The following KLRG1 variants were observed in gnomAD, a reference collection of about 807,000 sequenced individuals.
KLRG1 encodes killer cell lectin-like receptor subfamily G member 1.
Under a neutral mutation model 21.8 loss-of-function variants are expected in KLRG1, and 16 were observed. The observed-to-expected ratio is 0.73, with a 90% CI of 0.50 to 1.11. The LOEUF (loss-of-function observed/expected upper bound fraction) is 1.11. Ranked by LOEUF, KLRG1 falls within the 50% of genes most tolerant of loss-of-function variation. The probability of loss-of-function intolerance (pLI) is 0.00; values close to 1 mark genes in which losing one functional copy is unlikely to be tolerated. For missense variants in KLRG1, 173 were observed against 218.3 expected (o/e 0.79, Z 1.31); for synonymous variants, 69 against 75.9 (o/e 0.91, Z 0.47).
At chr12:9,070,889 C>T in the KLRG1 span, among the ~76,000 whole-genome samples, 3 of 149,950 alleles carry the variant, frequency 2.0e-5, no homozygotes, top group Non-Finnish European at 3.0e-5. Context: ...GGCATGATTT[C>T]GGCTCACCGC....
the KLRG1 span, among the ~76,000 whole-genome samples, chr12:9,029,497 C>A: frequency 6.6e-6 from 1 of 151,956 alleles, no homozygotes; most frequent in African/African-American, 2.4e-5. Context: ...ATCCACGGCC[C>A]CTGGCCTGAA....
the KLRG1 span, among the ~76,000 whole-genome samples, chr12:9,019,837 TCGTGTCCCAAAGTG>T: frequency 2.6e-5 from 4 of 152,048 alleles, no homozygotes; most frequent in Non-Finnish European, 4.4e-5. Flanking sequence ...CCTCTTGCCT[TCGTGTCCCAAAGTG>T]CTGGGATTAT....
the KLRG1 span, among the ~76,000 whole-genome samples, chr12:9,039,099 G>A: frequency 6.6e-6 from 1 of 152,184 alleles, no homozygotes; most frequent in Non-Finnish European, 1.5e-5. Context: ...TTTCCTGATT[G>A]CAATATATGA....
At chr12:8,968,059 C>T (rs1946507517) in intron 1 of KLRG1, among the ~76,000 whole-genome samples, 1 of 151,976 alleles carries the variant, frequency 6.6e-6, no homozygotes, top group Non-Finnish European at 1.5e-5. Flanking sequence ...TCATGAAAGA[C>T]ATTCGGTTTA....
the KLRG1 span, chr12:9,192,630 A>G: frequency 1.2e-6 from 2 of 1,614,122 alleles, no homozygotes; most frequent in East Asian, 2.2e-5. Flanking sequence ...CTCCAGGTGA[A>G]TGTAACTTCC....
the KLRG1 span, among the ~76,000 whole-genome samples, chr12:9,022,479 C>G: frequency 1.3e-5 from 2 of 152,178 alleles, no homozygotes; most frequent in South Asian, 4.1e-4. Context: ...CCTCCCATTT[C>G]CTGACATATA....
At chr12:9,184,162 A>G in the KLRG1 span, among the ~76,000 whole-genome samples, 1 of 152,174 alleles carries the variant, frequency 6.6e-6, no homozygotes, top group Non-Finnish European at 1.5e-5. Context: ...CTGCCTTGCC[A>G]CTGCTGGCAG....
chr12:9,138,951 GT>G, the KLRG1 span, among the ~76,000 whole-genome samples: 58 of 149,084 alleles, frequency 3.9e-4, no homozygotes, highest in Non-Finnish European at 8.1e-4. Flanking sequence ...TCTAATTTTT[GT>G]TATTTCTTTC....
chr12:9,150,899 C>G, the KLRG1 span, among the ~76,000 whole-genome samples: 2 of 152,164 alleles, frequency 1.3e-5, no homozygotes, highest in Non-Finnish European at 2.9e-5. Context: ...TAGAATGCAT[C>G]CTTGGGAACT....
At chr12:9,166,674 C>T in the KLRG1 span, among the ~76,000 whole-genome samples, 1 of 152,170 alleles carries the variant, frequency 6.6e-6, no homozygotes, top group African/African-American at 2.4e-5. Flanking sequence ...CTTTAAATCA[C>T]TGTATGGAAC....
At chr12:9,050,569 G>C in the KLRG1 span, among the ~76,000 whole-genome samples, 1 of 152,172 alleles carries the variant, frequency 6.6e-6, no homozygotes, top group Admixed American at 6.5e-5. Context: ...GTCCTCCTGG[G>C]TGGGGCTACA....
downstream of KLRG1, among the ~76,000 whole-genome samples, chr12:9,011,588 A>G (rs1461740968): frequency 2.0e-5 from 3 of 152,120 alleles, no homozygotes; most frequent in Admixed American, 2.0e-4. Flanking sequence ...AGAAGCCTCC[A>G]CTGATTTTTC....
At chr12:9,080,298 C>T in the KLRG1 span, 58 of 539,810 alleles carry the variant, frequency 1.1e-4, no homozygotes, top group East Asian at 1.3e-4. Context: ...AAAAGTTGTC[C>T]GCCTTTAATA....
At chr12:9,150,508 G>A in the KLRG1 span, 323 of 598,454 alleles carry the variant, frequency 5.4e-4, no homozygotes, top group South Asian at 3.4e-3. Context: ...GTAGTAAGTC[G>A]TTTTTATAGT....
chr12:8,975,603 G>C (rs761990739), intron 1 of KLRG1, among the ~76,000 whole-genome samples: 2 of 150,380 alleles, frequency 1.3e-5, no homozygotes, highest in East Asian at 3.9e-4. Flanking sequence ...TTGTTCTGTT[G>C]CCTAGGCTGG....
intron 1 of KLRG1, among the ~76,000 whole-genome samples, chr12:8,957,512 T>A (rs1946314764): frequency 6.7e-6 from 1 of 150,002 alleles, no homozygotes; most frequent in Admixed American, 6.6e-5. Context: ...TTGTTTTTTG[T>A]TTGTTTGTTT....
At chr12:9,071,047 C>G in the KLRG1 span, among the ~76,000 whole-genome samples, 2 of 151,848 alleles carry the variant, frequency 1.3e-5, no homozygotes, top group African/African-American at 2.4e-5. Flanking sequence ...CTTGAACTCC[C>G]GACCTAAGGT....
At chr12:9,089,915 G>A in the KLRG1 span, 2 of 1,611,258 alleles carry the variant, frequency 1.2e-6, no homozygotes, top group South Asian at 2.2e-5. Context: ...AACCAACAGA[G>A]GCTTGATGAC....
chr12:9,002,156 C>T (rs1947324707), intron 3 of KLRG1, among the ~76,000 whole-genome samples: 1 of 151,986 alleles, frequency 6.6e-6, no homozygotes, highest in Non-Finnish European at 1.5e-5. Context: ...ATTATATTCC[C>T]TAAAATTAAG....
Sources: allele counts gnomAD v4.1 joint callset (sites outside exome capture counted in the v4.1 genomes callset), GRCh38; gene constraint gnomAD v4.1.1; transcripts MANE v1.5; gene names NCBI Gene and HGNC (gene_info 2026-07-23, HGNC 2026-07-21).